ZFHX3: variants seen among roughly 807,000 people sequenced by gnomAD.
The protein encoded by ZFHX3 is zinc finger homeobox protein 3.
In ZFHX3, 42 loss-of-function variants were observed where a neutral mutation model predicts 279.1. The observed-to-expected ratio is 0.15, with a 90% CI of 0.12 to 0.19. The LOEUF (loss-of-function observed/expected upper bound fraction) is 0.19. Among genes scored for constraint, ZFHX3 ranks in the 10% least tolerant of loss-of-function variants. The probability of loss-of-function intolerance (pLI) is 1.00; values close to 1 mark genes in which losing one functional copy is unlikely to be tolerated. For missense variants in ZFHX3, 4,981 were observed against 4,754.0 expected (o/e 1.05, Z -1.40); for synonymous variants, 2,293 against 1,957.8 (o/e 1.17, Z -4.52).
Position 72,787,939 on chromosome 16 carries a change from C to T in ZFHX3, c.10337G>A (p.Ser3446Asn), listed in dbSNP as rs1313741097. Residue 3446 changes from serine (S) to asparagine (N), a missense_variant, in exon 10 of 10, where the codon AGC becomes AAC. Transcript: ENST00000268489. ...GTCGTAGAGGGAGTCCGCACTTTTG[C>T]TTTCTGCTTCTGGCTCTTCAGGGAG... ...PKLPEEPEAE[S>N]KSADSLYDPF... The T allele has an allele frequency of 6.2e-7, 1 of 1,613,814 alleles. No individual in the cohort carries two copies. The highest frequency in any genetic ancestry group is 8.5e-7 in the Non-Finnish European group (1 of 1,180,014).
At chr16:73,656,134 TGGA>T (rs140054425) in intron 2 of ZFHX3, among the ~76,000 whole-genome samples, 1,900 of 152,300 alleles carry the variant, frequency 0.012, 71 homozygotes, top group East Asian at 0.089. Context: ...AAAGCTTTAG[TGGA>T]ACACAACCAT....
At chr16:73,335,787 G>C (rs1207106171) in intron 3 of ZFHX3, among the ~76,000 whole-genome samples, 1 of 152,176 alleles carries the variant, frequency 6.6e-6, no homozygotes, top group Admixed American at 6.5e-5. Context: ...CTTCAGCTCT[G>C]AGAGCAGAAA....
chr16:73,716,228 A>G (rs1017613155), intron 1 of ZFHX3, among the ~76,000 whole-genome samples: 1 of 13,272 alleles, frequency 7.5e-5, no homozygotes, highest in African/African-American at 1.5e-4. Flanking sequence ...AACTTACAGA[A>G]AAAAAAAATG....
At chr16:73,058,665 CG>C in exon 1 of ZFHX3, 1 of 219,720 alleles carries the variant, frequency 4.6e-6, no homozygotes, top group Non-Finnish European at 8.5e-6. Flanking sequence ...CGGCGGCTGG[CG>C]GGGGTCGGCG....
chr16:73,305,672 C>T (rs1395792588), intron 4 of ZFHX3, among the ~76,000 whole-genome samples: 1 of 152,012 alleles, frequency 6.6e-6, no homozygotes, highest in African/African-American at 2.4e-5. Context: ...GGAATTTCTG[C>T]TTCCTTGTAG....
chr16:73,001,920 C>G (rs544519903), intron 1 of ZFHX3, among the ~76,000 whole-genome samples: 2 of 152,270 alleles, frequency 1.3e-5, no homozygotes, highest in Non-Finnish European at 2.9e-5. Flanking sequence ...CCACCTTCCT[C>G]TCACCATGTG....
At position 72,958,188 on chromosome 16, in the gene ZFHX3, C is replaced by T. The variant is rs753596230; in HGVS notation, c.1958G>A (p.Arg653His). Residue 653 changes from arginine (R) to histidine (H), a missense_variant, in exon 2 of 10, where the codon CGC (arginine) becomes CAC (histidine). Arg to His is a conservative substitution (Grantham distance 29). Around this residue, in one of 7 missense-constraint regions of ZFHX3, gnomAD observed 1,068 missense variants for 935.2 expected, o/e 1.14. Transcript: ENST00000268489. Reference protein sequence around the residue: ...PKCDTVLGSSRSLGGHMTMMH... With the variant: ...PKCDTVLGSSHSLGGHMTMMH... ...CATGGTCATGTGGCCGCCCAGCGAG[C>T]GGGAGGAGCCCAGGACCGTGTCGCA... The T allele has an allele frequency of 1.2e-5, 20 of 1,613,138 alleles. No homozygotes were observed. The highest frequency in any genetic ancestry group is 1.6e-4 in the Middle Eastern group (1 of 6,080).
At chr16:72,832,055 C>G (rs917598995) in intron 4 of ZFHX3, among the ~76,000 whole-genome samples, 1 of 152,166 alleles carries the variant, frequency 6.6e-6, no homozygotes, top group Admixed American at 6.5e-5. Context: ...TAGATGAAGA[C>G]AGTCTGATAC....
At chr16:73,541,418 C>T (rs1243076918) in intron 2 of ZFHX3, among the ~76,000 whole-genome samples, 1 of 151,702 alleles carries the variant, frequency 6.6e-6, no homozygotes, top group Non-Finnish European at 1.5e-5. Flanking sequence ...CTCAGGAGGT[C>T]GAGGCTACAG....
In ZFHX3 at chr16:72,870,414, AAAG is replaced by A. The variant is rs1300266528; in HGVS notation, c.3448+19314_3448+19316del. Among the ~76,000 whole-genome samples the A allele has an allele frequency of 6.0e-5, 9 of 149,386 alleles. No individual in the cohort carries two copies. The South Asian group carries it at 1.9e-3, about 32-fold the overall frequency. On this transcript the variant is annotated intron_variant, in intron 4 of 9. Coordinates refer to ENST00000268489, the MANE Select transcript of ZFHX3 (RefSeq NM_006885.4). ...GACCCTGTCTTTAAAAAAAAAGAAA[AAAG>A]AAAAAAAAACGGCTGGGCACGGTGG...
intron 2 of ZFHX3, among the ~76,000 whole-genome samples, chr16:73,614,443 T>C (rs553959188): frequency 4.6e-5 from 7 of 152,360 alleles, no homozygotes; most frequent in African/African-American, 1.7e-4. Context: ...AAATACCATT[T>C]GGTCCCCTTT....
At chr16:73,152,800 G>A (rs1435407319) in intron 5 of ZFHX3, among the ~76,000 whole-genome samples, 3 of 147,394 alleles carry the variant, frequency 2.0e-5, no homozygotes, top group Admixed American at 2.0e-4. Flanking sequence ...CTACCGGGGT[G>A]AGGAGGGGAG....
At chr16:73,166,616 C>T (rs1355701605) in intron 5 of ZFHX3, among the ~76,000 whole-genome samples, 2 of 152,068 alleles carry the variant, frequency 1.3e-5, no homozygotes, top group African/African-American at 4.8e-5. Flanking sequence ...TGCATGGTTA[C>T]CCTTGTCAGG....
chr16:73,566,699 T>A (rs2020455603), intron 2 of ZFHX3, among the ~76,000 whole-genome samples: 1 of 150,710 alleles, frequency 6.6e-6, no homozygotes, highest in Non-Finnish European at 1.5e-5. Flanking sequence ...TTTTTTTTTT[T>A]TTTTTTTTTT....
rs1162803290 is a variant in ZFHX3 at position 73,452,899 on chromosome 16, T to G, written c.-1291+3104A>C. ...AAGTCATTAAGTCTCTTATTACTCC[T>G]TAAGACTTGACCTAAATCTCTCTTT... On this transcript the variant is annotated intron_variant, in intron 3 of 17. Transcript: ENST00000641206. Among the ~76,000 whole-genome samples, 4 of 152,374 alleles carry G rather than the reference T, an allele frequency of 2.6e-5. No individual in the cohort carries two copies. In the East Asian group the frequency reaches 7.7e-4, roughly 29 times the overall value.
chr16:72,904,740 A>G (rs1378490709), intron 3 of ZFHX3, among the ~76,000 whole-genome samples: 2 of 151,808 alleles, frequency 1.3e-5, no homozygotes, highest in African/African-American at 4.8e-5. Context: ...GGCTTTATGC[A>G]TTGCACCTGA....
intron 2 of ZFHX3, among the ~76,000 whole-genome samples, chr16:73,651,978 T>A (rs2052676546): frequency 6.6e-6 from 1 of 152,114 alleles, no homozygotes; most frequent in Admixed American, 6.6e-5. Flanking sequence ...AAATTAGAAT[T>A]CCATATCCAG....
intron 3 of ZFHX3, among the ~76,000 whole-genome samples, chr16:73,428,435 A>G (rs2017849900): frequency 6.6e-6 from 1 of 152,188 alleles, no homozygotes; most frequent in South Asian, 2.1e-4. Context: ...TTACCACAGA[A>G]GAAAACACCT....
intron 2 of ZFHX3, among the ~76,000 whole-genome samples, chr16:73,577,921 C>T (rs1406055072): frequency 6.6e-6 from 1 of 152,208 alleles, no homozygotes; most frequent in Non-Finnish European, 1.5e-5. Context: ...AATTAGGCTA[C>T]AGTGGTCATT....
Sources: gnomAD v4.1 joint callset for allele counts (sites outside exome capture counted in the v4.1 genomes callset) on GRCh38, gnomAD v4.1.1 for gene constraint, gnomAD v4.1.1 regional missense constraint, MANE v1.5 for transcripts, NCBI Gene and HGNC (gene_info 2026-07-23, HGNC 2026-07-21) for gene names.